ERCC1: variants seen among roughly 807,000 people sequenced by gnomAD.
The protein encoded by ERCC1 is DNA excision repair protein ERCC-1.
ERCC1 carries 36 observed loss-of-function variants against 37.6 expected under a neutral mutation model. The observed-to-expected ratio is 0.96, with a 90% CI of 0.73 to 1.26. The LOEUF is 1.26. ERCC1 is among the 50% of genes most tolerant of loss of function. ERCC1 has a pLI of 0.00. For missense variants in ERCC1, 349 were observed against 376.5 expected (o/e 0.93, Z 0.60); for synonymous variants, 156 against 162.1 (o/e 0.96, Z 0.28).
In ERCC1 at chr19:45,421,411, G is replaced by C; in HGVS notation, c.106-18C>G. On this transcript the variant is annotated intron_variant, in intron 2 of 9. Transcript: ENST00000300853. Reference sequence around the variant, plus strand: ...GGCTTGGCCTGTGGGGAGAAAGGGAGTTTGCAGGGGACTGGTTGGGGTGAG... The same window carrying C: ...GGCTTGGCCTGTGGGGAGAAAGGGACTTTGCAGGGGACTGGTTGGGGTGAG... 1 of 1,575,646 alleles carries C rather than the reference G, an allele frequency of 6.3e-7. No homozygotes were observed. Among genetic ancestry groups the C allele is most frequent in the Non-Finnish European group, 8.7e-7 (1 of 1,151,856 alleles).
chr19:45,414,772 TG>T, intron 7 of ERCC1, 88 bp downstream of exon 7: 1 of 909,218 alleles, frequency 1.1e-6, no homozygotes, highest in Non-Finnish European at 1.8e-6. Context: ...CAGGGATGAA[TG>T]GACAGTGCCT....
Position 45,423,612 on chromosome 19 carries a change from C to T in ERCC1, c.-8+169G>A, listed in dbSNP as rs1974578420. Reference sequence around the variant, plus strand: ...GTCCCATCGCTCCGCCCCTCGCCCCCACCGGATTCTATTGGCTCCGTCCCC... The same window carrying T: ...GTCCCATCGCTCCGCCCCTCGCCCCTACCGGATTCTATTGGCTCCGTCCCC... On this transcript the variant is annotated intron_variant, in intron 1 of 9. Transcript: ENST00000300853. 7 of 1,389,712 alleles carry T rather than the reference C, an allele frequency of 5.0e-6. No individual in the cohort carries two copies. In the East Asian group the frequency reaches 1.1e-4, roughly 21 times the overall value. The allele number at this position is 1,389,712 out of a possible 1,614,324, so 86.1% of individuals were successfully genotyped here.
rs3212952 is a variant in ERCC1, at chr19:45,420,756, G to A, written c.322-329C>T. ...CCAGCCCCAGTCTGCGTGTCCTGTG[G>A]TCCTGAACACTTCCTGCCCTCACGC... On this transcript the variant is annotated intron_variant, in intron 3 of 9. Coordinates refer to ENST00000300853, the MANE Select transcript of ERCC1 (RefSeq NM_001983.4). This position sits in a 1 kb window ranked among gnomAD's most constrained non-coding sequence, Gnocchi z 4.8. Among the ~76,000 whole-genome samples the A allele has an allele frequency of 1.1e-4, 16 of 152,026 alleles. No homozygotes were observed. The highest frequency in any genetic ancestry group is 3.9e-4 in the African/African-American group (16 of 41,388).
Position 45,414,980 on chromosome 19 carries a change from G to A in ERCC1, c.603-20C>T. On this transcript the variant is annotated intron_variant, in intron 6 of 9. Coordinates refer to ENST00000300853, the MANE Select transcript of ERCC1 (RefSeq NM_001983.4). ...TCGGGGCTGGGATAACAGGATACAG[G>A]GCAGCCGGGAGGTGAGGTATCAGAT... 1 of 1,570,192 alleles carries A rather than the reference G, an allele frequency of 6.4e-7. No homozygotes were observed. The highest frequency in any genetic ancestry group is 8.8e-7 in the Non-Finnish European group (1 of 1,140,476).
chr19:45,450,890 C>A (rs1416024189), intron 1 of ERCC1, among the ~76,000 whole-genome samples: 2 of 2,520 alleles, frequency 7.9e-4, no homozygotes, highest in Non-Finnish European at 1.8e-3. Flanking sequence ...TGCGCCCGCC[C>A]CCCCCCCCCC....
intron 9 of ERCC1, among the ~76,000 whole-genome samples, chr19:45,411,228 G>A (rs1049586635): frequency 3.9e-5 from 6 of 152,100 alleles, no homozygotes; most frequent in African/African-American, 1.4e-4. Flanking sequence ...TCTAAGTTTT[G>A]GCAATGTGAA....
At chr19:45,431,883 C>T (rs1416092887) in intron 1 of ERCC1, among the ~76,000 whole-genome samples, 1 of 152,044 alleles carries the variant, frequency 6.6e-6, no homozygotes, top group African/African-American at 2.4e-5. Flanking sequence ...CAGACTGAGA[C>T]CCTGCCTCAA....
intron 6 of ERCC1, chr19:45,415,764 A>C (rs777025233): frequency 4.4e-6 from 2 of 455,546 alleles, no homozygotes; most frequent in Non-Finnish European, 8.8e-6. Context: ...GCTACAGGCC[A>C]GCTCTTGGGA....
intron 1 of ERCC1, among the ~76,000 whole-genome samples, chr19:45,436,275 T>C (rs1363424145): frequency 6.6e-6 from 1 of 152,104 alleles, no homozygotes; most frequent in Non-Finnish European, 1.5e-5. Flanking sequence ...CTCAAACAGA[T>C]TGCATTAGTT....
At chr19:45,428,803 G>C (rs1310065082), upstream of ERCC1, among the ~76,000 whole-genome samples, 1 of 152,132 alleles carries the variant, frequency 6.6e-6, no homozygotes, top group Non-Finnish European at 1.5e-5. Flanking sequence ...AAACTTAGCC[G>C]CGGTGACGCG....
At chr19:45,448,502 A>G (rs139462586) in intron 1 of ERCC1, among the ~76,000 whole-genome samples, 49 of 152,226 alleles carry the variant, frequency 3.2e-4, no homozygotes, top group African/African-American at 1.1e-3. Flanking sequence ...TGACAGAGAT[A>G]CATAGAGATG....
At position 45,420,532 on chromosome 19, in the gene ERCC1, C is replaced by T; in HGVS notation, c.322-105G>A. The T allele has an allele frequency of 2.7e-6, 2 of 745,194 alleles. No homozygotes were observed. Among genetic ancestry groups the T allele is most frequent in the Admixed American group, 4.0e-5 (2 of 50,186 alleles). 46.2% of individuals were successfully genotyped at this position (745,194 alleles called of 1,614,324 possible). A position where few individuals can be genotyped will look rare whatever the true frequency, so the allele number is the denominator to read the frequency against. On this transcript the variant is annotated intron_variant, in intron 3 of 9. Transcript: ENST00000300853. This position sits in a 1 kb window ranked among gnomAD's most constrained non-coding sequence, Gnocchi z 4.8. Reference sequence around the variant, plus strand: ...ACCTCCTCCCTCCTCCCACCTCTTCCCACACCTCCTGCCTCCTCGCACCTC... The same window carrying T: ...ACCTCCTCCCTCCTCCCACCTCTTCTCACACCTCCTGCCTCCTCGCACCTC...
intron 6 of ERCC1, among the ~76,000 whole-genome samples, chr19:45,415,528 C>T (rs1974008579): frequency 6.7e-6 from 1 of 148,236 alleles, no homozygotes; most frequent in Admixed American, 7.0e-5. Context: ...CCCAGCTTTT[C>T]AGGAGGCTGA....
chr19:45,433,630 G>A (rs1974892454), intron 1 of ERCC1, among the ~76,000 whole-genome samples: 1 of 151,590 alleles, frequency 6.6e-6, no homozygotes. Context: ...AGAGGTTGCA[G>A]TGAGCCGAAA....
chr19:45,413,971 T>G lies in ERCC1; in HGVS notation c.766A>C (p.Thr256Pro). 6.2e-7 allele frequency: 1 copy of G among 1,612,034 alleles called. No individual in the cohort carries two copies. Among genetic ancestry groups the G allele is most frequent in the Non-Finnish European group, 8.5e-7 (1 of 1,179,484 alleles). ...GGGGAGCCATTCCTTACTCCAAATG[T>G]GGTCAGGAGGGTCTGACTGTCCGTT... Reference protein sequence around the residue: ...NKTDSQTLLTTFGSLEQLIAA... With the variant: ...NKTDSQTLLTPFGSLEQLIAA... Residue 256 changes from threonine to proline, a missense_variant, in exon 8 of 10, where the codon ACA becomes CCA. Coordinates refer to ENST00000300853, the MANE Select transcript of ERCC1 (RefSeq NM_001983.4).
chr19:45,434,326 T>C (rs1041011497), intron 1 of ERCC1, among the ~76,000 whole-genome samples: 3 of 88,020 alleles, frequency 3.4e-5, no homozygotes, highest in Non-Finnish European at 6.2e-5. Context: ...CTCCAAAAAA[T>C]ACAAAAAAAA....
At chr19:45,419,052 A>C (rs1285271469) in intron 5 of ERCC1, 46 bp downstream of exon 5, 2 of 1,344,150 alleles carry the variant, frequency 1.5e-6, no homozygotes, top group South Asian at 2.5e-5. Flanking sequence ...CCCACTGCAC[A>C]ACCTCAAAGC....
Position 45,439,839 on chromosome 19 carries a change from G to T in ERCC1, c.-7-16458C>A, listed in dbSNP as rs974356089. 2.6e-5 allele frequency among the ~76,000 whole-genome samples: 4 copies of T among 151,956 alleles called. No homozygotes were observed. The South Asian group carries it at 6.2e-4, about 24-fold the overall frequency. ...GGGGACGGCTGTGACTCAGGCGCGC[G>T]CTCCTCCCCGGGGCCCTCAGTGGTC... On this transcript the variant is annotated intron_variant, in intron 1 of 8. Coordinates refer to the ERCC1 transcript ENST00000423698.
At chr19:45,416,227 C>G (rs1346969883) in intron 6 of ERCC1, among the ~76,000 whole-genome samples, 1 of 152,206 alleles carries the variant, frequency 6.6e-6, no homozygotes, top group African/African-American at 2.4e-5. Flanking sequence ...CCACGCCTGG[C>G]ACTGCTGAAG....
Sources: gnomAD v4.1 joint callset for allele counts (sites outside exome capture counted in the v4.1 genomes callset) on GRCh38, gnomAD v4.1.1 for gene constraint, Gnocchi (gnomAD v3.1) non-coding constraint, MANE v1.5 for transcripts, NCBI Gene and HGNC (gene_info 2026-07-23, HGNC 2026-07-21) for gene names.